UGT2A1: variants seen among roughly 807,000 people sequenced by gnomAD.
UGT2A1 encodes UDP glucuronosyltransferase family 2 member A1 complex locus.
A neutral mutation model predicts 45.4 loss-of-function variants in UGT2A1; 61 were observed. The observed-to-expected ratio is 1.34, with a 90% CI of 1.09 to 1.66. The LOEUF is 1.66. Among genes scored for constraint, UGT2A1 ranks in the 40% most tolerant of loss-of-function variants. UGT2A1 has a pLI of 0.00. For synonymous variants in UGT2A1, 229 were observed against 196.2 expected, an observed-to-expected ratio of 1.17 and a Z score of -1.40; for missense variants, 649 against 574.3, an observed-to-expected ratio of 1.13 and a Z score of -1.33.
At chr4:69,622,653 G>T (rs1205461301) in intron 3 of UGT2A1, among the ~76,000 whole-genome samples, 1 of 151,666 alleles carries the variant, frequency 6.6e-6, no homozygotes, top group East Asian at 1.9e-4. Context: ...GAGGCTCAAA[G>T]GTGAGGGGGG....
chr4:69,646,942 T>G lies in UGT2A1; in HGVS notation c.703A>C (p.Ser235Arg). The G allele has an allele frequency of 2.7e-5, 43 of 1,584,516 alleles. No individual in the cohort carries two copies. Among genetic ancestry groups the G allele is most frequent in the Non-Finnish European group, 8.6e-7 (1 of 1,168,858 alleles). ...TLWKSWDSYY[S>R]KALGGLLLCC... ...ATTTGTTACATACCTAAAGCTTTAC[T>G]ATAGTATGAATCCCATGATTTCCAA... The change falls in exon 2 of 7, where the codon AGT (serine) becomes CGT (arginine). Residue 235 changes from serine to arginine, a missense_variant. Physicochemically the swap from Ser to Arg is moderately radical, Grantham distance 110 (BLOSUM62 -1). Transcript: ENST00000286604.
rs138507009 is a variant in UGT2A1 at position 69,611,208 on chromosome 4, C to A, written c.848-11814G>T. On this transcript the variant is annotated intron_variant, in intron 3 of 6. Coordinates refer to ENST00000286604, the MANE Select transcript of UGT2A1 (RefSeq NM_001252275.3). ...TCACTCAAGCTGGAGTGCAGTGGCA[C>A]CAACACAGCTCACTGCAGTCTCGAC... 5.1e-3 allele frequency among the ~76,000 whole-genome samples: 773 copies of A among 151,540 alleles called. 10 individuals are homozygous for A. Among genetic ancestry groups the A allele is most frequent in the African/African-American group, 0.017 (708 of 41,208 alleles).
intron 3 of UGT2A1, among the ~76,000 whole-genome samples, chr4:69,625,588 TG>T (rs1257032361): frequency 6.6e-6 from 1 of 151,426 alleles, no homozygotes; most frequent in Non-Finnish European, 1.5e-5. Context: ...GTTTCATCTC[TG>T]GTAGTTTAAT....
At chr4:69,597,570 A>T (rs890537468) in intron 4 of UGT2A1, among the ~76,000 whole-genome samples, 1 of 152,172 alleles carries the variant, frequency 6.6e-6, no homozygotes, top group Non-Finnish European at 1.5e-5. Context: ...TGACTAGCCA[A>T]ATAACTAGGG....
chr4:69,589,248 G>A lies in UGT2A1; in HGVS notation c.*124C>T. 7.9e-7 allele frequency: 1 copy of A among 1,264,610 alleles called. No individual in the cohort carries two copies. The highest frequency in any genetic ancestry group is 1.5e-5 in the African/African-American group (1 of 66,542). The allele number at this position is 1,264,610 out of a possible 1,614,324, so 78.3% of individuals were successfully genotyped here. ...TAGGCTTATCGCAGGTAGAGAAATAGAAAATTTGGAAACAGGATGGGAGAC... is the reference window on the plus strand; with the variant it reads ...TAGGCTTATCGCAGGTAGAGAAATAAAAAATTTGGAAACAGGATGGGAGAC... On this transcript the variant is annotated 3_prime_UTR_variant, in exon 7 of 7. Coordinates refer to ENST00000286604, the MANE Select transcript of UGT2A1 (RefSeq NM_001252275.3).
At position 69,594,635 on chromosome 4, in the gene UGT2A1, A is replaced by G. The variant is rs749638314; in HGVS notation, c.1146T>C (p.Ile382=). The change falls in exon 6 of 7, where the codon ATT becomes ATC. Residue 382 remains isoleucine, a synonymous_variant. Transcript: ENST00000286604. The part of the protein sequence containing the change: ...HGGTNGIYEA[I]YHGVPMVGVP... ...CTCCCACCATAGGGACTCCGTGGTA[A>G]ATAGCTTCGTAGATCCCATTAGTTC... 2.9e-5 allele frequency: 47 copies of G among 1,614,018 alleles called. No homozygotes were observed. The highest frequency in any genetic ancestry group is 3.5e-5 in the Non-Finnish European group (41 of 1,180,044).
chr4:69,595,013 T>C (rs889851870), intron 5 of UGT2A1, 149 bp downstream of exon 5: 14 of 1,153,190 alleles, frequency 1.2e-5, no homozygotes, highest in African/African-American at 3.1e-5. Context: ...ATAAAATTAA[T>C]GGCCAATTAT....
intron 1 of UGT2A1, among the ~76,000 whole-genome samples, chr4:69,649,612 C>A (rs1722431775): frequency 2.6e-5 from 4 of 152,084 alleles, no homozygotes; most frequent in Admixed American, 2.6e-4. Flanking sequence ...CCTGAAGCTG[C>A]ACAACCTTCA....
rs374331982 is a variant in UGT2A1, at chr4:69,589,446, A to C, written c.1510T>G (p.Phe504Val). The stretch of plus-strand genomic sequence containing the variant: ...AACAAACAACATTGTATGACCAAAA[A>C]TATAGCCGTTGTCACACAGACCAGC... ...FLLVCVTTAI[F>V]LVIQCCLFSC... Residue 504 changes from phenylalanine to valine, a missense_variant, in exon 7 of 7, where the codon TTT (phenylalanine) becomes GTT (valine). Phe to Val is a conservative substitution (Grantham distance 50, BLOSUM62 -1). Coordinates refer to ENST00000286604, the MANE Select transcript of UGT2A1 (RefSeq NM_001252275.3). 214 of 1,614,004 alleles carry C rather than the reference A, an allele frequency of 1.3e-4. No individual in the cohort carries two copies. The highest frequency in any genetic ancestry group is 1.7e-4 in the Non-Finnish European group (201 of 1,180,020).
chr4:69,605,047 A>T lies in UGT2A1; in HGVS notation c.848-5653T>A, dbSNP rs2109902434. Among the ~76,000 whole-genome samples, 2 of 136,800 alleles carry T rather than the reference A, an allele frequency of 1.5e-5. 1 individual carries two copies. Among genetic ancestry groups the T allele is most frequent in the South Asian group, 4.8e-4 (2 of 4,170 alleles). 89.7% of individuals were successfully genotyped at this position (136,800 alleles called of 152,430 possible). A position where few individuals can be genotyped will look rare whatever the true frequency, so the allele number is the denominator to read the frequency against. ...AGATAACAAGTATATCCAGGAATTG[A>T]ACTCAGCTCTGCACCAAGTAGACCT... On this transcript the variant is annotated intron_variant, in intron 3 of 6. Transcript: ENST00000286604.
Position 69,605,673 on chromosome 4 carries a change from T to G in UGT2A1, c.848-6279A>C, listed in dbSNP as rs868032971. ...AAGATCAACCAAACTGATAGACCAC[T>G]AGCAAGACTAATAAAGAAGAAAAGA... On this transcript the variant is annotated intron_variant, in intron 3 of 6. Coordinates refer to ENST00000286604, the MANE Select transcript of UGT2A1 (RefSeq NM_001252275.3). Among the ~76,000 whole-genome samples, 58 of 135,906 alleles carry G rather than the reference T, an allele frequency of 4.3e-4. 14 individuals carry two copies. Among genetic ancestry groups the G allele is most frequent in the African/African-American group, 1.7e-3 (57 of 33,408 alleles). The allele number at this position is 135,906 out of a possible 152,430, so 89.2% of individuals were successfully genotyped here.
intron 3 of UGT2A1, among the ~76,000 whole-genome samples, chr4:69,606,360 A>C (rs1285711022): frequency 2.9e-5 from 4 of 136,772 alleles, no homozygotes; most frequent in East Asian, 4.1e-4. Flanking sequence ...AAGGCCTTGA[A>C]AAAATTCAAC....
At chr4:69,590,106 C>A (rs895083579) in intron 6 of UGT2A1, among the ~76,000 whole-genome samples, 24 of 152,174 alleles carry the variant, frequency 1.6e-4, no homozygotes, top group Non-Finnish European at 4.4e-5. Flanking sequence ...AGTCATTTTA[C>A]AGTTCTAAGA....
At chr4:69,617,719 T>C (rs1720487697) in intron 3 of UGT2A1, among the ~76,000 whole-genome samples, 1 of 151,792 alleles carries the variant, frequency 6.6e-6, no homozygotes, top group South Asian at 2.1e-4. Context: ...TTATTATTCA[T>C]TATTGGGAGT....
At chr4:69,633,940 G>C (rs964788560) in intron 3 of UGT2A1, among the ~76,000 whole-genome samples, 1 of 152,004 alleles carries the variant, frequency 6.6e-6, no homozygotes, top group Non-Finnish European at 1.5e-5. Flanking sequence ...TTTGCAGAAA[G>C]AATATACAAA....
At chr4:69,598,326 G>T (rs1161375800) in intron 4 of UGT2A1, among the ~76,000 whole-genome samples, 1 of 152,046 alleles carries the variant, frequency 6.6e-6, no homozygotes, top group Non-Finnish European at 1.5e-5. Flanking sequence ...GTAAATAATA[G>T]CCTGTTTCCT....
intron 6 of UGT2A1, among the ~76,000 whole-genome samples, chr4:69,591,474 T>C (rs1310718504): frequency 6.6e-6 from 1 of 152,116 alleles, no homozygotes; most frequent in African/African-American, 2.4e-5. Context: ...ATTGTGGAGA[T>C]CCAAGTCCTT....
At chr4:69,591,574 A>G (rs1185503771) in intron 6 of UGT2A1, among the ~76,000 whole-genome samples, 1 of 152,150 alleles carries the variant, frequency 6.6e-6, no homozygotes, top group Admixed American at 6.5e-5. Flanking sequence ...GTTGATGCTA[A>G]TGCCAGAGAG....
chr4:69,644,524 C>G (rs1277666130), intron 2 of UGT2A1, among the ~76,000 whole-genome samples: 1 of 151,662 alleles, frequency 6.6e-6, no homozygotes, highest in Admixed American at 6.6e-5. Context: ...GCCATCTTGA[C>G]AGTTTCATTG....
Sources: gnomAD v4.1 joint callset for allele counts (sites outside exome capture counted in the v4.1 genomes callset) on GRCh38, gnomAD v4.1.1 for gene constraint, MANE v1.5 for transcripts, NCBI Gene and HGNC (gene_info 2026-07-23, HGNC 2026-07-21) for gene names.